CHCHD6: variants seen among roughly 807,000 people sequenced by gnomAD.
CHCHD6 encodes the protein MICOS complex subunit MIC25.
CHCHD6 carries 28 observed loss-of-function variants against 32.3 expected under a neutral mutation model. That is an observed-to-expected ratio of 0.87 (90% CI 0.64 to 1.19). The LOEUF is 1.19. Ranked by LOEUF, CHCHD6 falls within the 50% of genes most tolerant of loss-of-function variation. CHCHD6 has a pLI of 0.00. For missense variants in CHCHD6, 333 were observed against 307.0 expected, an observed-to-expected ratio of 1.08 and a Z score of -0.63; for synonymous variants, 122 against 117.5, an observed-to-expected ratio of 1.04 and a Z score of -0.25.
At chr3:126,844,684 A>G (rs1197231222) in intron 4 of CHCHD6, among the ~76,000 whole-genome samples, 3 of 152,170 alleles carry the variant, frequency 2.0e-5, no homozygotes, top group African/African-American at 7.2e-5. Context: ...TGGCCCCCCA[A>G]AGATTTCTAC....
At chr3:126,919,811 A>T (rs2107593208) in intron 6 of CHCHD6, among the ~76,000 whole-genome samples, 1 of 148,168 alleles carries the variant, frequency 6.7e-6, no homozygotes, top group South Asian at 2.1e-4. Context: ...TCATTCCTTT[A>T]CTTCTTTTTT....
At chr3:126,756,166 A>G (rs1166779178) in intron 4 of CHCHD6, among the ~76,000 whole-genome samples, 1 of 151,852 alleles carries the variant, frequency 6.6e-6, no homozygotes, top group East Asian at 1.9e-4. Context: ...TTCTTCACCA[A>G]CCCCTCTGCC....
chr3:126,787,016 A>G (rs918426676), intron 4 of CHCHD6, among the ~76,000 whole-genome samples: 48 of 152,254 alleles, frequency 3.2e-4, no homozygotes, highest in African/African-American at 8.9e-4. Context: ...GTGTAAGGAA[A>G]GGATCCAGTT....
chr3:126,778,507 A>G (rs1463815267), intron 4 of CHCHD6, among the ~76,000 whole-genome samples: 1 of 152,230 alleles, frequency 6.6e-6, no homozygotes, highest in East Asian at 1.9e-4. Flanking sequence ...GCATTTCTTA[A>G]TGGCTAATGA....
intron 5 of CHCHD6, among the ~76,000 whole-genome samples, chr3:126,913,156 C>T (rs1036797846): frequency 2.1e-5 from 3 of 146,142 alleles, no homozygotes; most frequent in Non-Finnish European, 4.5e-5. Flanking sequence ...AGACCTGAAG[C>T]TCCCATTTGC....
At chr3:126,932,466 C>T (rs1465302388) in intron 6 of CHCHD6, among the ~76,000 whole-genome samples, 1 of 152,230 alleles carries the variant, frequency 6.6e-6, no homozygotes, top group Non-Finnish European at 1.5e-5. Flanking sequence ...TAAATCCATC[C>T]TGACTTCTGA....
In CHCHD6 at chr3:126,917,877, C is replaced by A. The variant is rs145454674; in HGVS notation, c.566+3127C>A. Among the ~76,000 whole-genome samples, 322 of 152,274 alleles carry A rather than the reference C, an allele frequency of 2.1e-3. 1 individual carries two copies. The highest frequency in any genetic ancestry group is 7.5e-3 in the African/African-American group (310 of 41,546). On this transcript the variant is annotated intron_variant, in intron 6 of 7. Transcript: ENST00000290913. ...CAGAAAGTGGGCCCTCACCAGACAT[C>A]AGATCTGCCAGTGCCTTGATCTTAG...
chr3:126,777,213 C>T (rs1314266828), intron 4 of CHCHD6, among the ~76,000 whole-genome samples: 1 of 152,022 alleles, frequency 6.6e-6, no homozygotes, highest in Non-Finnish European at 1.5e-5. Context: ...TTGTCTTTTC[C>T]AAGGTATTCA....
At chr3:126,822,725 ATT>A (rs58451787) in intron 4 of CHCHD6, among the ~76,000 whole-genome samples, 64,101 of 151,938 alleles carry the variant, frequency 0.42, 14,932 homozygotes, top group African/African-American at 0.63. Flanking sequence ...AGGAATATCA[ATT>A]TTTATTAAAA....
At chr3:126,885,932 G>GT (rs566234595) in intron 5 of CHCHD6, among the ~76,000 whole-genome samples, 186 of 152,308 alleles carry the variant, frequency 1.2e-3, no homozygotes, top group Non-Finnish European at 2.3e-3. Flanking sequence ...AGAAGGGCTG[G>GT]TGCTGGGGGA....
At chr3:126,951,533 G>A (rs28474744) in intron 6 of CHCHD6, among the ~76,000 whole-genome samples, 1,699 of 152,300 alleles carry the variant, frequency 0.011, 28 homozygotes, top group African/African-American at 0.039. Context: ...AGGTTGTACC[G>A]AAACTTATGG....
At position 126,715,272 on chromosome 3, in the gene CHCHD6, G is replaced by A. The variant is rs559860704; in HGVS notation, c.87+10873G>A. On this transcript the variant is annotated intron_variant, in intron 1 of 7. Coordinates refer to ENST00000290913, the MANE Select transcript of CHCHD6 (RefSeq NM_032343.3). ...GGTTTGGATTTGAGTCATTACCCTA[G>A]CACTTCCCACGTTCCACCTCCCTGA... 2.0e-5 allele frequency among the ~76,000 whole-genome samples: 3 copies of A among 152,252 alleles called. No homozygotes were observed. In the East Asian group the frequency reaches 5.8e-4, roughly 29 times the overall value.
At chr3:126,833,700 G>A (rs531136843) in intron 4 of CHCHD6, among the ~76,000 whole-genome samples, 54 of 152,250 alleles carry the variant, frequency 3.5e-4, no homozygotes, top group African/African-American at 1.2e-3. Context: ...ACAACCTCTC[G>A]AGAAGATTGT....
chr3:126,893,489 T>C (rs923751688), intron 5 of CHCHD6, among the ~76,000 whole-genome samples: 1 of 152,236 alleles, frequency 6.6e-6, no homozygotes, highest in Non-Finnish European at 1.5e-5. Context: ...ACATTGAGCA[T>C]GCCTAATAGT....
chr3:126,927,964 C>T (rs549981061), intron 6 of CHCHD6, among the ~76,000 whole-genome samples: 8 of 152,340 alleles, frequency 5.3e-5, no homozygotes, highest in African/African-American at 1.4e-4. Context: ...GCAGAGCTGA[C>T]GCACCCCTGC....
chr3:126,736,600 C>T (rs541869166), intron 4 of CHCHD6, among the ~76,000 whole-genome samples: 51 of 152,332 alleles, frequency 3.3e-4, no homozygotes, highest in African/African-American at 1.2e-3. Flanking sequence ...AGTTATAAAA[C>T]TAATGACAAG....
chr3:126,955,823 G>T (rs1383337701), intron 6 of CHCHD6, among the ~76,000 whole-genome samples: 1 of 152,166 alleles, frequency 6.6e-6, no homozygotes, highest in African/African-American at 2.4e-5. Context: ...GTCCCGCGTA[G>T]TCAGATGAGA....
At chr3:126,939,571 A>G (rs9813080) in intron 6 of CHCHD6, among the ~76,000 whole-genome samples, 3,377 of 152,326 alleles carry the variant, frequency 0.022, 130 homozygotes, top group African/African-American at 0.077. Flanking sequence ...ATGCCTGTAG[A>G]TGGCGTCTGC....
At chr3:126,787,134 T>G (rs1403043937) in intron 4 of CHCHD6, among the ~76,000 whole-genome samples, 5 of 152,350 alleles carry the variant, frequency 3.3e-5, no homozygotes, top group Non-Finnish European at 7.3e-5. Context: ...CAGATAGTTG[T>G]AGATGTGTGG....
Sources: gnomAD v4.1 joint callset for allele counts (sites outside exome capture counted in the v4.1 genomes callset) on GRCh38, gnomAD v4.1.1 for gene constraint, MANE v1.5 for transcripts, NCBI Gene and HGNC (gene_info 2026-07-23, HGNC 2026-07-21) for gene names.